COL4A6: variants seen among roughly 807,000 people sequenced by gnomAD.
COL4A6 encodes the protein collagen type IV alpha 6 chain.
A neutral mutation model predicts 126.7 loss-of-function variants in COL4A6; 59 were observed. The ratio of observed to expected loss-of-function variants is 0.47; its 90% CI spans 0.38 to 0.58. COL4A6 has a LOEUF of 0.58. Among genes scored for constraint, COL4A6 ranks in the 20% least tolerant of loss-of-function variants. COL4A6 has a pLI of 0.00. For synonymous variants in COL4A6, 547 were observed against 496.6 expected (o/e 1.10, Z -1.35); for missense variants, 1,285 against 1,337.3 (o/e 0.96, Z 0.61).
At chrX:108,298,391 T>C (rs1313423414) in intron 3 of COL4A6, among the ~76,000 whole-genome samples, 3 of 112,366 alleles carry the variant, frequency 2.7e-5, no homozygotes, top group Non-Finnish European at 5.7e-5. Flanking sequence ...AGGGCTACCT[T>C]GGCAGCCTGG....
At chrX:108,430,568 A>G (rs1202319252) in intron 2 of COL4A6, among the ~76,000 whole-genome samples, 5 of 112,087 alleles carry the variant, frequency 4.5e-5, no homozygotes, top group African/African-American at 1.3e-4. Flanking sequence ...CAGGAGGTAG[A>G]AAAACCAGTC....
At chrX:108,218,409 T>C (rs1403108433) in intron 5 of COL4A6, among the ~76,000 whole-genome samples, 3 of 112,747 alleles carry the variant, frequency 2.7e-5, no homozygotes, top group Non-Finnish European at 5.6e-5. Context: ...ATTTTCCCAC[T>C]GGTCTATTTC....
rs369575865 is a variant in COL4A6 at position 108,297,158 on chromosome X, T to C, written c.144+13590A>G. Reference sequence around the variant, plus strand: ...GAACAGGGAAATAGGATGGTAACTATAGGAGATGGTGGAGTTAAGGGAGGG... The same window carrying C: ...GAACAGGGAAATAGGATGGTAACTACAGGAGATGGTGGAGTTAAGGGAGGG... On this transcript the variant is annotated intron_variant, in intron 3 of 44. Transcript: ENST00000334504. Among the ~76,000 whole-genome samples, 93 of 111,827 alleles carry C rather than the reference T, an allele frequency of 8.3e-4. 1 individual carries two copies. In the South Asian group the frequency reaches 0.033, roughly 40 times the overall value.
intron 2 of COL4A6, among the ~76,000 whole-genome samples, chrX:108,406,752 A>G (rs1407645356): frequency 8.9e-6 from 1 of 112,135 alleles, no homozygotes; most frequent in Non-Finnish European, 1.9e-5. Flanking sequence ...ATCCTTTAGG[A>G]TATCCCACTA....
At chrX:108,268,199 GC>G (rs2037361064) in intron 3 of COL4A6, 1 of 111,599 alleles carries the variant, frequency 9.0e-6, no homozygotes, top group Non-Finnish European at 1.9e-5. Flanking sequence ...AGGGAGGAGG[GC>G]TTTTACTGTA....
intron 13 of COL4A6, 72 bp from the exon 14 acceptor site, chrX:108,196,651 G>A: frequency 2.2e-6 from 2 of 914,276 alleles, no homozygotes; most frequent in Non-Finnish European, 3.1e-6. Context: ...TCCAAAGCAA[G>A]GAGGCTATTT....
At chrX:108,386,873 A>T (rs918056460) in intron 2 of COL4A6, among the ~76,000 whole-genome samples, 3 of 111,921 alleles carry the variant, frequency 2.7e-5, no homozygotes, top group Non-Finnish European at 5.6e-5. Context: ...TCATTAATCC[A>T]TCTTGAGTTA....
chrX:108,426,532 C>T (rs1007135008), intron 2 of COL4A6, among the ~76,000 whole-genome samples: 3 of 112,026 alleles, frequency 2.7e-5, no homozygotes, highest in Non-Finnish European at 3.8e-5. Flanking sequence ...GGAAGCAGGT[C>T]TCTACAGGAA....
intron 16 of COL4A6, among the ~76,000 whole-genome samples, chrX:108,194,014 G>T (rs774879491): frequency 1.2e-3 from 137 of 112,684 alleles, no homozygotes; most frequent in African/African-American, 4.1e-3. Context: ...GGAGAGAACA[G>T]AGTTTTAACT....
intron 3 of COL4A6, among the ~76,000 whole-genome samples, chrX:108,265,733 C>T (rs958327182): frequency 1.8e-5 from 2 of 110,234 alleles, no homozygotes; most frequent in Non-Finnish European, 3.8e-5. Flanking sequence ...TTGAAGATAT[C>T]AGAATGGCTG....
intron 2 of COL4A6, among the ~76,000 whole-genome samples, chrX:108,320,472 T>G (rs1425105604): frequency 9.0e-6 from 1 of 111,525 alleles, no homozygotes; most frequent in Non-Finnish European, 1.9e-5. Flanking sequence ...ATTATGATTA[T>G]GGACCATAGG....
intron 20 of COL4A6, 50 bp downstream of exon 20, chrX:108,190,342 C>A (rs770821660): frequency 2.3e-6 from 2 of 882,684 alleles, no homozygotes; most frequent in East Asian, 3.1e-5. Flanking sequence ...CCCCAGGAAG[C>A]CTTCTCTAAG....
At chrX:108,351,132 A>G (rs757525731) in intron 2 of COL4A6, among the ~76,000 whole-genome samples, 13 of 111,339 alleles carry the variant, frequency 1.2e-4, no homozygotes, top group Non-Finnish European at 2.4e-4. Flanking sequence ...ACTTTGCTTC[A>G]TTTCAAGTCA....
chrX:108,203,816 GTAA>G (rs2035462955), intron 12 of COL4A6, among the ~76,000 whole-genome samples: 1 of 112,155 alleles, frequency 8.9e-6, no homozygotes, highest in African/African-American at 3.2e-5. Flanking sequence ...TTCAGATCTG[GTAA>G]ATTAGGGCAT....
Position 108,438,224 on chromosome X carries a change from CG to C in COL4A6, c.-29del, listed in dbSNP as rs759230967. ...TTGCGGCTCCTCCGGAGCTGGGTCC[CG>C]GGAGACTGCTAAGCGGCTCCGCGGC... On this transcript the variant is annotated 5_prime_UTR_variant, in exon 1 of 45. Transcript: ENST00000334504. 4.9e-5 allele frequency: 58 copies of C among 1,177,428 alleles called. No homozygotes were observed. The highest frequency in any genetic ancestry group is 6.1e-5 in the Non-Finnish European group (54 of 881,764).
chrX:108,193,260 A>G (rs752359041), intron 17 of COL4A6, among the ~76,000 whole-genome samples: 13 of 112,364 alleles, frequency 1.2e-4, no homozygotes, highest in Admixed American at 1.9e-4. Flanking sequence ...TCAAGCATAC[A>G]TGGAATCACC....
chrX:108,257,512 C>T (rs2037038451), intron 3 of COL4A6, among the ~76,000 whole-genome samples: 1 of 111,555 alleles, frequency 9.0e-6, no homozygotes, highest in Non-Finnish European at 1.9e-5. Context: ...AGACAGAAAA[C>T]TCCTCTGATC....
chrX:108,172,927 C>T (rs1012422325), intron 31 of COL4A6, among the ~76,000 whole-genome samples: 1 of 112,253 alleles, frequency 8.9e-6, no homozygotes, highest in Admixed American at 9.4e-5. Flanking sequence ...AGAAGTTTCA[C>T]TTCACCCTGC....
At chrX:108,213,424 G>A (rs1198098409) in intron 6 of COL4A6, among the ~76,000 whole-genome samples, 1 of 111,911 alleles carries the variant, frequency 8.9e-6, no homozygotes, top group East Asian at 2.8e-4. Flanking sequence ...TGGATGAATA[G>A]AATTAAATAA....
Sources: gnomAD v4.1 joint callset for allele counts (sites outside exome capture counted in the v4.1 genomes callset) on GRCh38, gnomAD v4.1.1 for gene constraint, MANE v1.5 for transcripts, NCBI Gene and HGNC (gene_info 2026-07-23, HGNC 2026-07-21) for gene names.